The following NIPAL3 variants were observed in gnomAD, a reference collection of about 807,000 sequenced individuals.
NIPAL3 encodes NIPA-like protein 3.
In NIPAL3, 41 loss-of-function variants were observed where a neutral mutation model predicts 47.2. That is an observed-to-expected ratio of 0.87 (90% CI 0.68 to 1.13). The LOEUF is 1.13. NIPAL3 is among the 50% of genes most tolerant of loss of function. The probability of loss-of-function intolerance (pLI) is 0.00; values close to 1 mark genes in which losing one functional copy is unlikely to be tolerated. For synonymous variants in NIPAL3, 194 were observed against 209.6 expected, an observed-to-expected ratio of 0.93 and a Z score of 0.64; for missense variants, 449 against 530.1, an observed-to-expected ratio of 0.85 and a Z score of 1.50.
Position 24,417,820 on chromosome 1 carries a change from T to C in NIPAL3, c.-257-1471T>C, listed in dbSNP as rs150211766. On this transcript the variant is annotated intron_variant, in intron 1 of 11. Coordinates refer to ENST00000374399, the MANE Select transcript of NIPAL3 (RefSeq NM_020448.5). ...CAGAATTCCTGGGCCTAGGGCCGGATAGCAGAAGGAACTGGAAGCTACAGG... is the reference window on the plus strand; with the variant it reads ...CAGAATTCCTGGGCCTAGGGCCGGACAGCAGAAGGAACTGGAAGCTACAGG... Among the ~76,000 whole-genome samples the C allele has an allele frequency of 1.8e-3, 278 of 152,344 alleles. 2 individuals carry two copies. Among genetic ancestry groups the C allele is most frequent in the Middle Eastern group, 3.4e-3 (1 of 294 alleles).
intron 5 of NIPAL3, among the ~76,000 whole-genome samples, chr1:24,447,722 A>C (rs1645737173): frequency 6.6e-6 from 1 of 152,128 alleles, no homozygotes; most frequent in Admixed American, 6.5e-5. Flanking sequence ...GGAATACTCT[A>C]GGTAATCCTA....
intron 9 of NIPAL3, among the ~76,000 whole-genome samples, chr1:24,460,254 A>G (rs1031189539): frequency 6.6e-6 from 1 of 152,178 alleles, no homozygotes; most frequent in East Asian, 1.9e-4. Flanking sequence ...TTATCCCCCA[A>G]TAAAAGTTAA....
intron 8 of NIPAL3, 123 bp from the exon 9 acceptor site, chr1:24,458,765 A>G (rs943943921): frequency 2.5e-5 from 19 of 747,170 alleles, no homozygotes; most frequent in Non-Finnish European, 4.2e-5. Context: ...TGGCATTTTT[A>G]GAAACCCAAG....
Position 24,449,197 on chromosome 1 carries a change from C to T in NIPAL3, c.395-284C>T, listed in dbSNP as rs1645813310. ...TCTGGCTAATGTTCTCTTTCTCCAT[C>T]TGGGAGCTGGTTTCATGAGTGTGTT... On this transcript the variant is annotated intron_variant, in intron 5 of 11. Transcript: ENST00000374399. This position sits in a 1 kb window ranked among gnomAD's most constrained non-coding sequence, Gnocchi z 4.5. Among the ~76,000 whole-genome samples, 1 of 152,242 alleles carries T rather than the reference C, an allele frequency of 6.6e-6. No homozygotes were observed. Among genetic ancestry groups the T allele is most frequent in the Non-Finnish European group, 1.5e-5 (1 of 68,048 alleles).
intron 2 of NIPAL3, among the ~76,000 whole-genome samples, chr1:24,426,712 A>T (rs1644606394): frequency 6.6e-6 from 1 of 152,136 alleles, no homozygotes; most frequent in Non-Finnish European, 1.5e-5. Context: ...TGGGTAACAC[A>T]TCTCCACTGG....
chr1:24,460,248 C>T (rs1391031638), intron 9 of NIPAL3, among the ~76,000 whole-genome samples: 2 of 151,964 alleles, frequency 1.3e-5, no homozygotes, highest in African/African-American at 2.4e-5. Flanking sequence ...CTAATATTAT[C>T]CCCCAATAAA....
Position 24,469,121 on chromosome 1 carries a change from A to G in NIPAL3, c.1157A>G (p.Glu386Gly), listed in dbSNP as rs1389438435. 1 of 1,614,050 alleles carries G rather than the reference A, an allele frequency of 6.2e-7. No homozygotes were observed. Reference protein sequence around the residue: ...APATLPVMQEEHGSRSASGVP... With the variant: ...APATLPVMQEGHGSRSASGVP... ...GCCACCCTGCCAGTCATGCAAGAAG[A>G]GCACGGCTCCAGAAGTGCCTCTGGG... Residue 386 changes from glutamate (E) to glycine (G), a missense_variant, in exon 12 of 12, where the codon GAG becomes GGG. Glu to Gly is a moderately conservative substitution (Grantham distance 98). Transcript: ENST00000374399.
intron 2 of NIPAL3, among the ~76,000 whole-genome samples, chr1:24,439,159 C>T (rs769086522): frequency 2.4e-4 from 36 of 152,248 alleles, no homozygotes; most frequent in Non-Finnish European, 4.7e-4. Context: ...ACCCATGTAA[C>T]ACACCTGCCC....
chr1:24,443,031 T>C (rs1208104131), intron 4 of NIPAL3, among the ~76,000 whole-genome samples: 1 of 152,152 alleles, frequency 6.6e-6, no homozygotes, highest in Admixed American at 6.5e-5. Context: ...CTCAAATTCT[T>C]GAGCTCAAAC....
chr1:24,452,429 G>A (rs557796435), intron 6 of NIPAL3, among the ~76,000 whole-genome samples: 32 of 152,194 alleles, frequency 2.1e-4, no homozygotes, highest in Non-Finnish European at 4.4e-4. Context: ...TGAGTTTAAC[G>A]TAGATAAAAT....
intron 1 of NIPAL3, 81 bp downstream of exon 1, chr1:24,415,985 G>A: frequency 5.1e-6 from 5 of 985,144 alleles, no homozygotes; most frequent in Non-Finnish European, 6.0e-6. Context: ...GTCACCTAAC[G>A]TCCCCTAGTG....
chr1:24,458,839 C>T, intron 8 of NIPAL3, 49 bp from the exon 9 acceptor site: 1 of 1,445,454 alleles, frequency 6.9e-7, no homozygotes, highest in Non-Finnish European at 9.7e-7. Flanking sequence ...AGCTCTTAGC[C>T]TTTCCAACGT....
In NIPAL3 at chr1:24,469,509, T is replaced by A; in HGVS notation, c.*324T>A. On this transcript the variant is annotated 3_prime_UTR_variant, in exon 12 of 12. Coordinates refer to ENST00000374399, the MANE Select transcript of NIPAL3 (RefSeq NM_020448.5). ...GCTTCCTCTGACAGTGACCAAAGGA[T>A]GCTGTATCCTTCAGAGCTAAGGCAA... 3.8e-6 allele frequency: 1 copy of A among 263,702 alleles called. No individual in the cohort carries two copies. The highest frequency in any genetic ancestry group is 7.3e-6 in the Non-Finnish European group (1 of 137,016). 16.3% of individuals were successfully genotyped at this position (263,702 alleles called of 1,614,324 possible). A position where few individuals can be genotyped will look rare whatever the true frequency, so the allele number is the denominator to read the frequency against.
chr1:24,424,236 T>C (rs779280249), intron 2 of NIPAL3, among the ~76,000 whole-genome samples: 39 of 152,188 alleles, frequency 2.6e-4, no homozygotes, highest in Non-Finnish European at 7.3e-5. Context: ...GAAGAGGACC[T>C]GGGTCCAAAT....
chr1:24,418,502 G>C (rs72880696), intron 1 of NIPAL3, among the ~76,000 whole-genome samples: 1 of 152,034 alleles, frequency 6.6e-6, no homozygotes, highest in Admixed American at 6.6e-5. Flanking sequence ...ACGCGTCTGA[G>C]GTCCCAGCTA....
intron 4 of NIPAL3, among the ~76,000 whole-genome samples, chr1:24,443,574 A>G (rs1415020297): frequency 6.6e-6 from 1 of 152,184 alleles, no homozygotes; most frequent in Non-Finnish European, 1.5e-5. Flanking sequence ...AGTGCTTCCA[A>G]CAGTCACTAC....
chr1:24,439,056 G>T (rs1234105388), intron 2 of NIPAL3, among the ~76,000 whole-genome samples: 2 of 151,988 alleles, frequency 1.3e-5, no homozygotes, highest in Non-Finnish European at 2.9e-5. Flanking sequence ...GGAGGGGTGG[G>T]GGTGAGAGTT....
chr1:24,467,109 A>G (rs1347149357), intron 11 of NIPAL3, among the ~76,000 whole-genome samples: 1 of 152,148 alleles, frequency 6.6e-6, no homozygotes, highest in Non-Finnish European at 1.5e-5. Context: ...CATCTCTGTC[A>G]TAGGATTGTT....
At chr1:24,462,896 G>A (rs755272898) in intron 10 of NIPAL3, among the ~76,000 whole-genome samples, 1 of 152,166 alleles carries the variant, frequency 6.6e-6, no homozygotes, top group Non-Finnish European at 1.5e-5. Flanking sequence ...TCAGGAGTTC[G>A]AGACCAGCCT....
Sources: allele counts gnomAD v4.1 joint callset (sites outside exome capture counted in the v4.1 genomes callset), GRCh38; gene constraint gnomAD v4.1.1; non-coding constraint Gnocchi (gnomAD v3.1); transcripts MANE v1.5; gene names NCBI Gene and HGNC (gene_info 2026-07-23, HGNC 2026-07-21).